Variants in EME2 observed in about 807,000 individuals in gnomAD.
EME2 encodes structure-specific endonuclease subunit EME2.
Under a neutral mutation model 41.9 loss-of-function variants are expected in EME2, and 58 were observed. The ratio of observed to expected loss-of-function variants is 1.38; its 90% confidence interval spans 1.12 to 1.72. The LOEUF (loss-of-function observed/expected upper bound fraction) is 1.72, where lower values mean the gene tolerates loss of function less well. Among genes scored for constraint, EME2 ranks in the 40% most tolerant of loss-of-function variants. EME2 has a pLI of 0.00. For missense variants in EME2, 695 were observed against 541.9 expected (o/e 1.28, Z -2.81); for synonymous variants, 334 against 239.3 (o/e 1.40, Z -3.65).
In EME2 at chr16:1,778,703, C is replaced by A; in HGVS notation, c.*2465C>A. The A allele has an allele frequency of 7.0e-7, 1 of 1,426,382 alleles. No individual in the cohort carries two copies. Among genetic ancestry groups the A allele is most frequent in the African/African-American group, 1.4e-5 (1 of 70,178 alleles). The allele number at this position is 1,426,382 out of a possible 1,614,324, so 88.4% of individuals were successfully genotyped here. A position where few individuals can be genotyped will look rare whatever the true frequency, so the allele number is the denominator to read the frequency against. ...GTCCCTGTCCCACCCTGTCCCTGAC[C>A]CACCCAGGAAAGGATGGGGGTCCAG... On this transcript the variant is annotated 3_prime_UTR_variant, in exon 8 of 8. Transcript: ENST00000568449.
At chr16:1,774,230 A>C in intron 2 of EME2, 30 bp from the exon 3 acceptor site, 1 of 1,599,374 alleles carries the variant, frequency 6.3e-7, no homozygotes, top group South Asian at 1.1e-5. Context: ...GGGTTGAGAC[A>C]GGCAGCAGCG....
chr16:1,772,957 A>T lies in EME2; in HGVS notation c.-271A>T, dbSNP rs1287292098. ...CGGCTCTCGCGGCGCACGTCGGCCC[A>T]GGCCCGGACCGGCAGCCGGCGTCCA... On this transcript the variant is annotated 5_prime_UTR_variant, in exon 1 of 8. Coordinates refer to ENST00000568449, the MANE Select transcript of EME2 (RefSeq NM_001257370.2). The T allele has an allele frequency of 6.9e-7, 1 of 1,450,114 alleles. No individual in the cohort carries two copies. The highest frequency in any genetic ancestry group is 1.4e-5 in the South Asian group (1 of 70,700). 89.8% of individuals were successfully genotyped at this position (1,450,114 alleles called of 1,614,324 possible). A position where few individuals can be genotyped will look rare whatever the true frequency, so the allele number is the denominator to read the frequency against.
rs2042716360 is a variant in EME2 at position 1,776,580 on chromosome 16, T to G, written c.*342T>G. The G allele has an allele frequency of 3.0e-6, 1 of 333,368 alleles. No homozygotes were observed. The highest frequency in any genetic ancestry group is 5.5e-6 in the Non-Finnish European group (1 of 180,720). The allele number at this position is 333,368 out of a possible 1,614,324, so 20.7% of individuals were successfully genotyped here. ...CAGGGCCCCACTGCCACCTGGAGGC[T>G]TGGGGTGTGGCACCCTCAGCCAGAA... On this transcript the variant is annotated 3_prime_UTR_variant, in exon 8 of 8. Transcript: ENST00000568449.
In EME2 at chr16:1,775,666, T is replaced by C; in HGVS notation, c.761T>C (p.Leu254Pro). ...CACGTGTGCGCCGTTACCAAGGCTC[T>C]CGCCCAGTATCCCCTCAAGTGCGTG... is the stretch of plus-strand genomic sequence containing the variant. The part of the protein sequence containing the change: ...SRHVCAVTKA[L>P]AQYPLKQYRE... The change falls in exon 6 of 8, where the codon CTC becomes CCC. Residue 254 changes from leucine (L) to proline (P), a missense_variant. Physicochemically the swap from Leu to Pro is moderately conservative, Grantham distance 98 (BLOSUM62 -3). Coordinates refer to ENST00000568449, the MANE Select transcript of EME2 (RefSeq NM_001257370.2). The C allele has an allele frequency of 6.2e-7, 1 of 1,612,900 alleles. No individual in the cohort carries two copies.
chr16:1,773,636 A>C, intron 1 of EME2, 69 bp from the exon 2 acceptor site: 2 of 1,543,756 alleles, frequency 1.3e-6, no homozygotes, highest in Non-Finnish European at 1.7e-6. Context: ...CGGTCCGGCC[A>C]CCCGCCCAGG....
At chr16:1,773,992 G>T (rs1014800723) in intron 2 of EME2, 151 bp downstream of exon 2, 2 of 1,121,888 alleles carry the variant, frequency 1.8e-6, no homozygotes, top group Non-Finnish European at 2.5e-6. Flanking sequence ...AAGTGGAGGT[G>T]CCCAAGCCGT....
chr16:1,774,439 T>C (rs1161216342), intron 3 of EME2, 87 bp downstream of exon 3: 1 of 1,106,160 alleles, frequency 9.0e-7, no homozygotes, highest in African/African-American at 1.5e-5. Flanking sequence ...TCCCTGCCCC[T>C]GTAGACGGGG....
At position 1,777,023 on chromosome 16, in the gene EME2, G is replaced by A; in HGVS notation, c.*785G>A. 4.6e-6 allele frequency: 7 copies of A among 1,512,718 alleles called. No individual in the cohort carries two copies. The highest frequency in any genetic ancestry group is 2.8e-5 in the African/African-American group (2 of 72,660). The allele number at this position is 1,512,718 out of a possible 1,614,324, so 93.7% of individuals were successfully genotyped here. On this transcript the variant is annotated 3_prime_UTR_variant, in exon 8 of 8. Transcript: ENST00000568449. ...CTCCGCCCTGGAGTGTGGCTGGAAG[G>A]AAGGGACAGAGAAAGAAGGGACAGA...
At chr16:1,773,955 A>G (rs1596846786) in intron 2 of EME2, 114 bp downstream of exon 2, 1 of 1,342,362 alleles carries the variant, frequency 7.4e-7, no homozygotes, top group Non-Finnish European at 9.9e-7. Context: ...CGTCTCGCGG[A>G]TGGGTAAAGC....
chr16:1,777,662 C>T lies in EME2; in HGVS notation c.*1424C>T. The T allele has an allele frequency of 2.5e-6, 4 of 1,568,842 alleles. No homozygotes were observed. The highest frequency in any genetic ancestry group is 2.3e-5 in the East Asian group (1 of 44,374). On this transcript the variant is annotated 3_prime_UTR_variant, in exon 8 of 8. Transcript: ENST00000568449. ...TTCTGGGAGGAACCCTTTCAGAAAA[C>T]CTCAGTGTCCCCTGGGCTGGGGCGG...
In EME2 at chr16:1,777,499, C is replaced by T. The variant is rs532596181; in HGVS notation, c.*1261C>T. On this transcript the variant is annotated 3_prime_UTR_variant, in exon 8 of 8. Coordinates refer to ENST00000568449, the MANE Select transcript of EME2 (RefSeq NM_001257370.2). ...GGCAGGGAAGGGGCCAGCTACTGGGCGCAGCCCCTCAGACCTCACGCTACA... is the reference window on the plus strand; with the variant it reads ...GGCAGGGAAGGGGCCAGCTACTGGGTGCAGCCCCTCAGACCTCACGCTACA... 7.4e-5 allele frequency: 107 copies of T among 1,439,598 alleles called. No homozygotes were observed. In the African/African-American group the frequency reaches 1.2e-3, roughly 16 times the overall value. 89.2% of individuals were successfully genotyped at this position (1,439,598 alleles called of 1,614,324 possible).
chr16:1,774,994 G>C (rs767105054), intron 3 of EME2, 47 bp from the exon 4 acceptor site: 2 of 1,509,744 alleles, frequency 1.3e-6, no homozygotes, highest in Admixed American at 1.7e-5. Context: ...CATGGCCATA[G>C]GCCGCAGCCT....
chr16:1,775,897 C>G lies in EME2; in HGVS notation c.880C>G (p.Arg294Gly), dbSNP rs371450157. ...CGGCGCAGGGCTGCAGGCGGCCTGGCGGAGGCAGATCAGGCAGTTCAGTCG... is the reference window on the plus strand; with the variant it reads ...CGGCGCAGGGCTGCAGGCGGCCTGGGGGAGGCAGATCAGGCAGTTCAGTCG... Reference protein sequence around the residue: ...RDGAGLQAAWRRQIRQFSRVS... With the variant: ...RDGAGLQAAWGRQIRQFSRVS... Residue 294 changes from arginine to glycine, a missense_variant, in exon 7 of 8, where the codon CGG (arginine) becomes GGG (glycine). Coordinates refer to ENST00000568449, the MANE Select transcript of EME2 (RefSeq NM_001257370.2). 1 of 1,612,368 alleles carries G rather than the reference C, an allele frequency of 6.2e-7. No homozygotes were observed. Among genetic ancestry groups the G allele is most frequent in the East Asian group, 2.2e-5 (1 of 44,872 alleles).
In EME2 at chr16:1,773,839, A is replaced by T. The variant is rs547679861; in HGVS notation, c.382A>T (p.Ser128Cys). The T allele has an allele frequency of 3.4e-4, 520 of 1,543,696 alleles. 9 individuals are homozygous for T. In the South Asian group the frequency reaches 5.9e-3, roughly 18 times the overall value. Residue 128 changes from serine (S) to cysteine (C), a missense_variant and splice_region_variant, in exon 2 of 8, where the codon AGC becomes TGC. Coordinates refer to ENST00000568449, the MANE Select transcript of EME2 (RefSeq NM_001257370.2). ...AGCGAGTCCCGACCCCTGCCCCCGCAGCGTGAGTGGTCGCGGGTTCCCGAG... is the reference window on the plus strand; with the variant it reads ...AGCGAGTCCCGACCCCTGCCCCCGCTGCGTGAGTGGTCGCGGGTTCCCGAG... ...TRASPDPCPRSLPPEVWAAGE... is the reference protein window; with the variant it reads ...TRASPDPCPRCLPPEVWAAGE...
chr16:1,773,786 G>A lies in EME2; in HGVS notation c.329G>A (p.Arg110His). 6.4e-7 allele frequency: 1 copy of A among 1,553,102 alleles called. No homozygotes were observed. Among genetic ancestry groups the A allele is most frequent in the Admixed American group, 1.9e-5 (1 of 52,072 alleles). ...TGCGAGTGCCGCATCGAGCCCCAGC[G>A]CCCGGCCCGCAGCCTGCGGTGGACC... Reference protein sequence around the residue: ...LGCECRIEPQRPARSLRWTRA... With the variant: ...LGCECRIEPQHPARSLRWTRA... The change falls in exon 2 of 8, where the codon CGC becomes CAC. Residue 110 changes from arginine (R) to histidine (H), a missense_variant. By Grantham distance (29) the Arg-to-His change is conservative. Coordinates refer to ENST00000568449, the MANE Select transcript of EME2 (RefSeq NM_001257370.2).
Position 1,778,253 on chromosome 16 carries a change from C to T in EME2, c.*2015C>T, listed in dbSNP as rs746600669. The T allele has an allele frequency of 1.2e-6, 2 of 1,612,916 alleles. No individual in the cohort carries two copies. The highest frequency in any genetic ancestry group is 1.7e-6 in the Non-Finnish European group (2 of 1,179,992). On this transcript the variant is annotated 3_prime_UTR_variant, in exon 8 of 8. Coordinates refer to ENST00000568449, the MANE Select transcript of EME2 (RefSeq NM_001257370.2). Reference sequence around the variant, plus strand: ...CAGCTGTACTCCATGTGGAAGCTGACCTTACGGTTGTCACAGCTCAGCAGG... The same window carrying T: ...CAGCTGTACTCCATGTGGAAGCTGATCTTACGGTTGTCACAGCTCAGCAGG...
chr16:1,773,124 G>T lies in EME2; in HGVS notation c.-104G>T. 1 of 1,390,980 alleles carries T rather than the reference G, an allele frequency of 7.2e-7. No individual in the cohort carries two copies. Among genetic ancestry groups the T allele is most frequent in the East Asian group, 2.9e-5 (1 of 34,312 alleles). 86.2% of individuals were successfully genotyped at this position (1,390,980 alleles called of 1,614,324 possible). On this transcript the variant is annotated 5_prime_UTR_variant, in exon 1 of 8. Transcript: ENST00000568449. The stretch of plus-strand genomic sequence containing the variant: ...ACGCACCTTCTTCCGCGCCATGGCG[G>T]GTCCGCGTCCTCAGCGGTCCGGCCG...
chr16:1,774,039 C>T (rs183713932), intron 2 of EME2, among the ~76,000 whole-genome samples, 198 bp downstream of exon 2: 42 of 152,356 alleles, frequency 2.8e-4, no homozygotes, highest in Admixed American at 4.6e-4. Flanking sequence ...GGAGAAGGTT[C>T]CGTCTCGATT....
Position 1,777,571 on chromosome 16 carries a change from C to A in EME2, c.*1333C>A. The A allele has an allele frequency of 7.4e-7, 1 of 1,345,278 alleles. No homozygotes were observed. The highest frequency in any genetic ancestry group is 2.5e-5 in the East Asian group (1 of 40,160). The allele number at this position is 1,345,278 out of a possible 1,614,324, so 83.3% of individuals were successfully genotyped here. On this transcript the variant is annotated 3_prime_UTR_variant, in exon 8 of 8. Transcript: ENST00000568449. ...CACAGCTGAGGCAAGGCAGGGTGCACGCGCTGGCCCTGCCACTCCAGCCTG... is the reference window on the plus strand; with the variant it reads ...CACAGCTGAGGCAAGGCAGGGTGCAAGCGCTGGCCCTGCCACTCCAGCCTG...
Sources: gnomAD v4.1 joint callset for allele counts (sites outside exome capture counted in the v4.1 genomes callset) on GRCh38, gnomAD v4.1.1 for gene constraint, MANE v1.5 for transcripts, NCBI Gene and HGNC (gene_info 2026-07-23, HGNC 2026-07-21) for gene names.